The following EIF4G3 variants were observed in gnomAD, a reference collection of about 807,000 sequenced individuals.
EIF4G3 encodes the protein eukaryotic translation initiation factor 4 gamma 3, also known as eIF-4-gamma 3.
In EIF4G3, 34 loss-of-function variants were observed where a neutral mutation model predicts 186.4. That is an observed-to-expected ratio of 0.18 (90% CI 0.14 to 0.24). The LOEUF is 0.24. Ranked by LOEUF, EIF4G3 falls within the 10% of genes least tolerant of loss-of-function variation. The pLI, the probability that EIF4G3 is intolerant of heterozygous loss-of-function variation, is 1.00. For synonymous variants in EIF4G3, 673 were observed against 679.5 expected, an observed-to-expected ratio of 0.99 and a Z score of 0.15; for missense variants, 1,536 against 1,948.5, an observed-to-expected ratio of 0.79 and a Z score of 3.99.
Position 20,957,745 on chromosome 1 carries a change from AC to A in EIF4G3, c.715-7635del, listed in dbSNP as rs140842803. ...ACAACAAACACCAGAGAAATAAAAA[AC>A]ATCACTCGAGACTACTATGAACAAC... On this transcript the variant is annotated intron_variant, in intron 12 of 36. Transcript: ENST00000602326. Among the ~76,000 whole-genome samples the A allele has an allele frequency of 5.6e-4, 86 of 152,248 alleles. 2 individuals are homozygous for A. The East Asian group carries it at 0.015, about 27-fold the overall frequency.
intron 18 of EIF4G3, among the ~76,000 whole-genome samples, chr1:20,890,839 A>C (rs187457999): frequency 3.3e-5 from 5 of 152,376 alleles, no homozygotes; most frequent in African/African-American, 9.6e-5. Context: ...TAAGCTGGGC[A>C]AATTAAGTGG....
rs546187696 is a variant in EIF4G3, at chr1:20,928,644, G to A, written c.1663+12847C>T. On this transcript the variant is annotated intron_variant, in intron 14 of 36. Transcript: ENST00000602326. ...TCTTGATCTCCTGACCTCGTGATCC[G>A]CCCCTCGGCCTCCCAAAGTGCTGGG... Among the ~76,000 whole-genome samples the A allele has an allele frequency of 1.6e-4, 25 of 152,074 alleles. No homozygotes were observed. In the East Asian group the frequency reaches 4.2e-3, roughly 26 times the overall value.
At chr1:21,091,413 G>C (rs575019358) in intron 2 of EIF4G3, among the ~76,000 whole-genome samples, 1 of 151,832 alleles carries the variant, frequency 6.6e-6, no homozygotes, top group Non-Finnish European at 1.5e-5. Flanking sequence ...CACCCACCTC[G>C]GCCTCCCAAA....
chr1:21,094,235 AAATACC>A (rs2096288236), intron 2 of EIF4G3, among the ~76,000 whole-genome samples: 1 of 152,020 alleles, frequency 6.6e-6, no homozygotes, highest in Admixed American at 6.6e-5. Context: ...CTAGAACTAG[AAATACC>A]ATTTGACCCA....
At chr1:21,145,574 G>T (rs1398158494) in intron 2 of EIF4G3, among the ~76,000 whole-genome samples, 1 of 151,948 alleles carries the variant, frequency 6.6e-6, no homozygotes, top group African/African-American at 2.4e-5. Flanking sequence ...TATGCTACGT[G>T]TTTTATCAAA....
At chr1:20,966,053 C>T (rs2074582219) in intron 12 of EIF4G3, among the ~76,000 whole-genome samples, 1 of 152,174 alleles carries the variant, frequency 6.6e-6, no homozygotes, top group African/African-American at 2.4e-5. Flanking sequence ...ATCTGTGCTA[C>T]AATTCTGCCC....
At chr1:21,090,749 C>G (rs1256269666) in intron 2 of EIF4G3, among the ~76,000 whole-genome samples, 2 of 152,160 alleles carry the variant, frequency 1.3e-5, no homozygotes, top group African/African-American at 2.4e-5. Flanking sequence ...AGAAAAACTA[C>G]TGCTCTAATG....
At chr1:21,009,552 T>C (rs532670785) in intron 4 of EIF4G3, among the ~76,000 whole-genome samples, 9 of 152,088 alleles carry the variant, frequency 5.9e-5, no homozygotes, top group East Asian at 5.8e-4. Flanking sequence ...TAACAAATGT[T>C]TGACACTTAA....
At chr1:21,101,778 A>G (rs2096533201) in intron 2 of EIF4G3, among the ~76,000 whole-genome samples, 1 of 152,014 alleles carries the variant, frequency 6.6e-6, no homozygotes, top group African/African-American at 2.4e-5. Flanking sequence ...ACATCATTAT[A>G]TTGTCCAAGA....
intron 14 of EIF4G3, among the ~76,000 whole-genome samples, chr1:20,912,033 C>A (rs972781020): frequency 2.6e-5 from 4 of 152,070 alleles, no homozygotes; most frequent in African/African-American, 9.7e-5. Flanking sequence ...CTCATGCCAC[C>A]ATGAGGTCAA....
chr1:20,991,922 T>C (rs751220526), intron 7 of EIF4G3, among the ~76,000 whole-genome samples: 7 of 152,218 alleles, frequency 4.6e-5, no homozygotes, highest in Non-Finnish European at 7.3e-5. Flanking sequence ...AGGCAGGTAC[T>C]TTATCCTCAC....
At chr1:20,873,035 C>T (rs1000953723) in intron 20 of EIF4G3, among the ~76,000 whole-genome samples, 2 of 152,230 alleles carry the variant, frequency 1.3e-5, no homozygotes, top group African/African-American at 4.8e-5. Context: ...CTGCGCCCAG[C>T]CTTGCTTTTG....
At chr1:20,956,430 G>C (rs1490287003) in intron 12 of EIF4G3, among the ~76,000 whole-genome samples, 1 of 152,102 alleles carries the variant, frequency 6.6e-6, no homozygotes, top group East Asian at 1.9e-4. Context: ...AGAGAGATGA[G>C]TGAGAAAGTT....
intron 14 of EIF4G3, among the ~76,000 whole-genome samples, chr1:20,915,220 A>G (rs2093724389): frequency 6.6e-6 from 1 of 152,148 alleles, no homozygotes; most frequent in Admixed American, 6.5e-5. Flanking sequence ...ACTCCTCTGG[A>G]GGCTCTGTGG....
At chr1:20,964,816 G>A (rs886491648) in intron 12 of EIF4G3, among the ~76,000 whole-genome samples, 2 of 152,114 alleles carry the variant, frequency 1.3e-5, no homozygotes, top group Non-Finnish European at 2.9e-5. Flanking sequence ...AAACCTAATG[G>A]TTAACACCAG....
intron 16 of EIF4G3, among the ~76,000 whole-genome samples, chr1:20,896,562 CAAGTAAA>C (rs2088198186): frequency 6.6e-6 from 1 of 151,544 alleles, no homozygotes; most frequent in African/African-American, 2.4e-5. Flanking sequence ...AAAAGCTTAT[CAAGTAAA>C]AAGATTAAGG....
At chr1:21,118,025 CCA>C (rs1433749376) in intron 2 of EIF4G3, among the ~76,000 whole-genome samples, 2 of 152,188 alleles carry the variant, frequency 1.3e-5, no homozygotes, top group African/African-American at 4.8e-5. Flanking sequence ...ACTGAGAAAT[CCA>C]CAGAGGACAC....
At chr1:21,118,212 A>G (rs1274715238) in intron 2 of EIF4G3, among the ~76,000 whole-genome samples, 2 of 152,228 alleles carry the variant, frequency 1.3e-5, no homozygotes, top group African/African-American at 4.8e-5. Context: ...AGCACTTCAC[A>G]TATGAACAAG....
At chr1:20,839,838 A>C (rs2067947720) in intron 30 of EIF4G3, among the ~76,000 whole-genome samples, 1 of 151,780 alleles carries the variant, frequency 6.6e-6, no homozygotes, top group Non-Finnish European at 1.5e-5. Context: ...GCCATATGTG[A>C]AATGACTACG....
Sources: allele counts gnomAD v4.1 joint callset (sites outside exome capture counted in the v4.1 genomes callset), GRCh38; gene constraint gnomAD v4.1.1; transcripts MANE v1.5; gene names NCBI Gene and HGNC (gene_info 2026-07-23, HGNC 2026-07-21).